KMT2C: variants seen among roughly 807,000 people sequenced by gnomAD.
KMT2C encodes histone-lysine N-methyltransferase 2C.
In KMT2C, 88 loss-of-function variants were observed where a neutral mutation model predicts 507.9. The ratio of observed to expected loss-of-function variants is 0.17; its 90% CI spans 0.15 to 0.21. The LOEUF is 0.21. KMT2C is among the 10% of genes least tolerant of loss of function. KMT2C has a pLI of 1.00. For synonymous variants in KMT2C, 2,049 were observed against 2,080.8 expected (o/e 0.98, Z 0.42); for missense variants, 4,954 against 5,957.8 (o/e 0.83, Z 5.55).
At chr7:152,215,540 A>G (rs1294267232) in intron 23 of KMT2C, among the ~76,000 whole-genome samples, 44 of 141,864 alleles carry the variant, frequency 3.1e-4, no homozygotes, top group African/African-American at 9.9e-4. Flanking sequence ...AAAAAAAAAA[A>G]GATTGAAAGA....
intron 32 of KMT2C, 117 bp downstream of exon 32, chr7:152,187,598 C>T: frequency 7.0e-7 from 1 of 1,428,622 alleles, no homozygotes; most frequent in Non-Finnish European, 9.6e-7. Flanking sequence ...ATAGCAAAAG[C>T]CACAATAAAC....
At chr7:152,304,411 A>T (rs1330620045) in intron 6 of KMT2C, among the ~76,000 whole-genome samples, 1 of 152,254 alleles carries the variant, frequency 6.6e-6, no homozygotes, top group Non-Finnish European at 1.5e-5. Flanking sequence ...TTTTAAACAT[A>T]TCAGAAAATT....
chr7:152,344,613 A>G (rs935589388), intron 2 of KMT2C, among the ~76,000 whole-genome samples: 1 of 151,874 alleles, frequency 6.6e-6, no homozygotes, highest in Non-Finnish European at 1.5e-5. Flanking sequence ...ACAAACTCTA[A>G]GGCAACAACT....
At chr7:152,411,075 A>G (rs1242157070) in intron 1 of KMT2C, among the ~76,000 whole-genome samples, 1 of 152,206 alleles carries the variant, frequency 6.6e-6, no homozygotes, top group East Asian at 1.9e-4. Context: ...ACAATTCTCT[A>G]TAACTAGTGC....
intron 48 of KMT2C, among the ~76,000 whole-genome samples, chr7:152,153,548 CTCTGT>C (rs2091815264): frequency 2.0e-5 from 3 of 152,120 alleles, no homozygotes; most frequent in Non-Finnish European, 4.4e-5. Flanking sequence ...TAATTTTCTT[CTCTGT>C]TAACAGTTAC....
rs1491549540 is a variant in KMT2C at position 152,297,018 on chromosome 7, A to AAAGAAAGAAAGG, written c.849+12947_849+12948insCCTTTCTTTCTT. Among the ~76,000 whole-genome samples, 6 of 93,136 alleles carry AAAGAAAGAAAGG rather than the reference A, an allele frequency of 6.4e-5. 1 individual carries two copies. The highest frequency in any genetic ancestry group is 1.2e-4 in the Admixed American group (1 of 8,632). The allele number at this position is 93,136 out of a possible 152,430, so 61.1% of individuals were successfully genotyped here. A position where few individuals can be genotyped will look rare whatever the true frequency, so the allele number is the denominator to read the frequency against. ...AAGAAAAAGAAAGAAAGAAAGAAAG[A>AAAGAAAGAAAGG]AAGAAAGAAAGAAAGAAAGAAAGAA... is the stretch of plus-strand genomic sequence containing the variant. On this transcript the variant is annotated intron_variant, in intron 6 of 58. Transcript: ENST00000262189.
Position 152,220,647 on chromosome 7 carries a change from T to C in KMT2C, c.3588A>G (p.Arg1196=). ...TCAATTTTGGTTTTGACCGTTTTCT[T>C]CTTGGAACTGTAACTGTGAGGCTCT... ...QLQSLTVTVP[R]RKRSKPKLKL... The change falls in exon 23 of 59, where the codon AGA becomes AGG. Residue 1196 remains arginine (R), a synonymous_variant. Coordinates refer to ENST00000262189, the MANE Select transcript of KMT2C (RefSeq NM_170606.3). 6.2e-7 allele frequency: 1 copy of C among 1,611,904 alleles called. No homozygotes were observed. The highest frequency in any genetic ancestry group is 1.7e-5 in the Admixed American group (1 of 60,016).
intron 16 of KMT2C, 132 bp from the exon 17 acceptor site, chr7:152,230,453 T>C (rs1200425190): frequency 4.1e-6 from 2 of 482,406 alleles, no homozygotes; most frequent in African/African-American, 4.0e-5. Context: ...TTCCAAATAT[T>C]AATGCTAAGA....
intron 9 of KMT2C, among the ~76,000 whole-genome samples, chr7:152,259,442 A>ATGTG (rs2095719401): frequency 8.5e-6 from 1 of 118,000 alleles, no homozygotes; most frequent in South Asian, 2.6e-4. Flanking sequence ...AGACACACAC[A>ATGTG]CGCGCACACA....
chr7:152,228,581 G>A (rs373645565), intron 18 of KMT2C, among the ~76,000 whole-genome samples: 23 of 152,274 alleles, frequency 1.5e-4, no homozygotes, highest in East Asian at 1.2e-3. Context: ...GTTTGATAGT[G>A]CACTAATTGT....
At chr7:152,217,617 A>G (rs1339033662) in intron 23 of KMT2C, among the ~76,000 whole-genome samples, 2 of 152,224 alleles carry the variant, frequency 1.3e-5, no homozygotes, top group African/African-American at 4.8e-5. Flanking sequence ...CAATAAAAAT[A>G]AGGACAAATT....
intron 2 of KMT2C, among the ~76,000 whole-genome samples, chr7:152,336,267 T>G (rs2096934499): frequency 6.6e-6 from 1 of 152,200 alleles, no homozygotes; most frequent in Non-Finnish European, 1.5e-5. Flanking sequence ...GAAGCTGTCT[T>G]TAACTGTCAC....
rs548235051 is a variant in KMT2C, at chr7:152,150,938, A to G, written c.12736T>C (p.Tyr4246His). The change falls in exon 51 of 59, where the codon TAT becomes CAT. Residue 4246 changes from tyrosine (Y) to histidine (H), a missense_variant. This residue lies in a region of KMT2C where 417 missense variants were observed against 461.1 expected (regional missense o/e 0.90). Transcript: ENST00000262189. ...TTTTTCGCTTGTGCAGTTGATGAAT[A>G]AAGAATAAAGCAGTTATTACTACAG... ...VFCSNNCFIL[Y>H]SSTAQAKNSE... 7 of 1,613,538 alleles carry G rather than the reference A, an allele frequency of 4.3e-6. No homozygotes were observed. In the East Asian group the frequency reaches 1.1e-4, roughly 26 times the overall value.
At chr7:152,225,122 C>T (rs1371806743) in intron 18 of KMT2C, among the ~76,000 whole-genome samples, 1 of 152,126 alleles carries the variant, frequency 6.6e-6, no homozygotes, top group African/African-American at 2.4e-5. Flanking sequence ...ACATTCACTC[C>T]TCTGTTTATT....
chr7:152,243,852 G>C (rs547720804), intron 14 of KMT2C, among the ~76,000 whole-genome samples: 2 of 152,194 alleles, frequency 1.3e-5, no homozygotes, highest in South Asian at 4.1e-4. Context: ...TTCATAAAAT[G>C]CTTAATAAAA....
At position 152,176,564 on chromosome 7, in the gene KMT2C, A is replaced by C. The variant is rs2093219788; in HGVS notation, c.8889T>G (p.Arg2963=). The change falls in exon 38 of 59, where the codon CGT becomes CGG. Residue 2963 remains arginine, a synonymous_variant. Transcript: ENST00000262189. ...SLPPFIAPPG[R]VLDNAMNSNV... is the part of the protein sequence containing the mutation. The stretch of plus-strand genomic sequence containing the variant: ...TAGAATTCATGGCATTATCCAAAAC[A>C]CGGCCAGGCGGTGCTATGAAAGGAG... 6.2e-7 allele frequency: 1 copy of C among 1,614,016 alleles called. No individual in the cohort carries two copies. Among genetic ancestry groups the C allele is most frequent in the Non-Finnish European group, 8.5e-7 (1 of 1,180,022 alleles).
chr7:152,185,169 G>T (rs2093587049), intron 34 of KMT2C, among the ~76,000 whole-genome samples: 1 of 152,094 alleles, frequency 6.6e-6, no homozygotes. Context: ...GAAAGAGTCT[G>T]TACAAGTTCA....
chr7:152,431,277 G>A (rs2097860353), intron 1 of KMT2C, among the ~76,000 whole-genome samples: 1 of 151,732 alleles, frequency 6.6e-6, no homozygotes, highest in Non-Finnish European at 1.5e-5. Context: ...TTGTATAATA[G>A]ACTAAAAATA....
chr7:152,166,227 T>A (rs887075135), intron 42 of KMT2C, among the ~76,000 whole-genome samples: 2 of 151,374 alleles, frequency 1.3e-5, no homozygotes, highest in Admixed American at 1.3e-4. Context: ...GGTGCAGGGA[T>A]TCTCCTGCCT....
Sources: gnomAD v4.1 joint callset for allele counts (sites outside exome capture counted in the v4.1 genomes callset) on GRCh38, gnomAD v4.1.1 for gene constraint, gnomAD v4.1.1 regional missense constraint, MANE v1.5 for transcripts, NCBI Gene and HGNC (gene_info 2026-07-23, HGNC 2026-07-21) for gene names.